Variants in ZC3H4 observed in about 807,000 individuals in gnomAD.
ZC3H4 encodes zinc finger CCCH domain-containing protein 4.
ZC3H4 carries 13 observed loss-of-function variants against 108.3 expected under a neutral mutation model. That is an observed-to-expected ratio of 0.12 (90% CI 0.08 to 0.19). The LOEUF (loss-of-function observed/expected upper bound fraction) is 0.19, where lower values mean the gene tolerates loss of function less well. Ranked by LOEUF, ZC3H4 falls within the 10% of genes least tolerant of loss-of-function variation. The probability of loss-of-function intolerance (pLI) is 1.00; values close to 1 mark genes in which losing one functional copy is unlikely to be tolerated. For synonymous variants in ZC3H4, 917 were observed against 749.6 expected (o/e 1.22, Z -3.65); for missense variants, 1,734 against 1,838.8 (o/e 0.94, Z 1.04).
intron 2 of ZC3H4, among the ~76,000 whole-genome samples, chr19:47,110,423 C>T (rs2058022988): frequency 4.6e-5 from 7 of 152,104 alleles, no homozygotes; most frequent in African/African-American, 1.4e-4. Flanking sequence ...CAGTAACACA[C>T]TTTTTTTTCT....
In ZC3H4 at chr19:47,066,860, C is replaced by T. The variant is rs2057213097; in HGVS notation, c.3408G>A (p.Gly1136=). 6 of 1,598,692 alleles carry T rather than the reference C, an allele frequency of 3.8e-6. No homozygotes were observed. Among genetic ancestry groups the T allele is most frequent in the African/African-American group, 1.3e-5 (1 of 74,904 alleles). Residue 1136 remains glycine, a synonymous_variant, in exon 15 of 15, where the codon GGG becomes GGA. Transcript: ENST00000253048. ...CGCTCAGCACACTGCTCTGCCCGCCCCCTCCGCCCTGGCCCAGTCCACCGG... is the reference window on the plus strand; with the variant it reads ...CGCTCAGCACACTGCTCTGCCCGCCTCCTCCGCCCTGGCCCAGTCCACCGG... The part of the protein sequence containing the change: ...LAAGGLGQGG[G]GGQSSVLSGI...
rs893096684 is a variant in ZC3H4, at chr19:47,109,057, T to C, written c.161+3367A>G. Among the ~76,000 whole-genome samples, 5 of 152,128 alleles carry C rather than the reference T, an allele frequency of 3.3e-5. No homozygotes were observed. The East Asian group carries it at 9.6e-4, about 29-fold the overall frequency. ...AAAAGTTTGTAAGTGTATAATAAGATTTGTTATTAAATCAGGGATTCTGAG... is the reference window on the plus strand; with the variant it reads ...AAAAGTTTGTAAGTGTATAATAAGACTTGTTATTAAATCAGGGATTCTGAG... On this transcript the variant is annotated intron_variant, in intron 2 of 14. Transcript: ENST00000253048.
rs2057330698 is a variant in ZC3H4, at chr19:47,071,819, T to C, written c.2105A>G (p.Gln702Arg). ...QNFYENFYQQ[Q>R]EGMEMEPGLL... is the part of the protein sequence containing the mutation. ...TCCGGGCTCCATCTCCATGCCCTCC[T>C]GCTGCTGGTAGAAGTTTTCATAGAA... Residue 702 changes from glutamine to arginine, a missense_variant, in exon 13 of 15, where the codon CAG (glutamine) becomes CGG (arginine). Physicochemically the swap from Gln to Arg is conservative, Grantham distance 43. Transcript: ENST00000253048. The C allele has an allele frequency of 6.2e-7, 1 of 1,613,134 alleles. No homozygotes were observed. The highest frequency in any genetic ancestry group is 8.5e-7 in the Non-Finnish European group (1 of 1,179,504).
chr19:47,084,258 T>C, intron 9 of ZC3H4, 87 bp downstream of exon 9: 1 of 1,270,532 alleles, frequency 7.9e-7, no homozygotes, highest in South Asian at 1.2e-5. Context: ...CCACCCACCC[T>C]CACCACGGCT....
At chr19:47,101,021 A>G (rs562044097) in intron 2 of ZC3H4, among the ~76,000 whole-genome samples, 3 of 152,112 alleles carry the variant, frequency 2.0e-5, no homozygotes, top group African/African-American at 7.2e-5. Context: ...TTAAATAATC[A>G]TAAAGTTAGA....
In ZC3H4 at chr19:47,071,999, G is replaced by A; in HGVS notation, c.1925C>T (p.Pro642Leu). 1 of 1,597,706 alleles carries A rather than the reference G, an allele frequency of 6.3e-7. No homozygotes were observed. The highest frequency in any genetic ancestry group is 8.5e-7 in the Non-Finnish European group (1 of 1,171,738). Reference protein sequence around the residue: ...MHPDMHPDMHPDMHADMHADM... With the variant: ...MHPDMHPDMHLDMHADMHADM... Reference sequence around the variant, plus strand: ...TGCGTGCATGTCTGCGTGCATGTCAGGGTGCATGTCCGGGTGCATGTCGGG... The same window carrying A: ...TGCGTGCATGTCTGCGTGCATGTCAAGGTGCATGTCCGGGTGCATGTCGGG... The change falls in exon 13 of 15, where the codon CCT becomes CTT. Residue 642 changes from proline (P) to leucine (L), a missense_variant. Pro to Leu is a moderately conservative substitution (Grantham distance 98). This residue lies in a region of ZC3H4 where 540 missense variants were observed against 484.1 expected (regional missense o/e 1.12). Coordinates refer to ENST00000253048, the MANE Select transcript of ZC3H4 (RefSeq NM_015168.2).
chr19:47,112,492 C>G lies in ZC3H4; in HGVS notation c.93G>C (p.Pro31=). Residue 31 remains proline (P), a synonymous_variant, in exon 2 of 15, where the codon CCG becomes CCC. Transcript: ENST00000253048. ...PPPPSTPSPP[P]CSPDARPATP... ...TGGCCGGGCGGGCGTCGGGGGAACA[C>G]GGAGGAGGCGAAGGCGTTGATGGCG... The G allele has an allele frequency of 8.7e-7, 1 of 1,151,868 alleles. No individual in the cohort carries two copies. The highest frequency in any genetic ancestry group is 1.1e-6 in the Non-Finnish European group (1 of 906,902). The allele number at this position is 1,151,868 out of a possible 1,614,324, so 71.4% of individuals were successfully genotyped here. A position where few individuals can be genotyped will look rare whatever the true frequency, so the allele number is the denominator to read the frequency against.
intron 9 of ZC3H4, 131 bp from the exon 10 acceptor site, chr19:47,082,426 G>C (rs1352100587): frequency 1.4e-6 from 1 of 707,042 alleles, no homozygotes; most frequent in South Asian, 1.6e-5. Context: ...TCCCCCTTAG[G>C]AAAGGAAGAC....
intron 11 of ZC3H4, among the ~76,000 whole-genome samples, chr19:47,080,081 C>T (rs2057494399): frequency 6.6e-6 from 1 of 152,088 alleles, no homozygotes; most frequent in African/African-American, 2.4e-5. Context: ...CTCTGGAAGC[C>T]GGCAGATGTG....
In ZC3H4 at chr19:47,067,189, G is replaced by C. The variant is rs1418450235; in HGVS notation, c.3079C>G (p.Pro1027Ala). The C allele has an allele frequency of 6.2e-7, 1 of 1,610,576 alleles. No homozygotes were observed. The highest frequency in any genetic ancestry group is 8.5e-7 in the Non-Finnish European group (1 of 1,178,428). Residue 1027 changes from proline to alanine, a missense_variant, in exon 15 of 15, where the codon CCG (proline) becomes GCG (alanine). Around this residue, in one of 9 missense-constraint regions of ZC3H4, gnomAD observed 518 missense variants for 499.6 expected, o/e 1.04. Transcript: ENST00000253048. The surrounding 1 kb of genome is among the most constrained non-coding windows in gnomAD (Gnocchi z 6.4). ...GTGCTGGAATCCGTGGAGGCGCCCG[G>C]GCGCTGCCGGGCGTTGGGGGGCCCT... The part of the protein sequence containing the change: ...TAGPPNARQR[P>A]GASTDSSTQG...
chr19:47,103,241 C>T (rs150191782), intron 2 of ZC3H4, among the ~76,000 whole-genome samples: 1 of 152,320 alleles, frequency 6.6e-6, no homozygotes, highest in East Asian at 1.9e-4. Context: ...CGATTTCTAT[C>T]ACTCCAGAGG....
chr19:47,100,922 T>A (rs2057896051), intron 2 of ZC3H4, among the ~76,000 whole-genome samples: 1 of 152,050 alleles, frequency 6.6e-6, no homozygotes, highest in Admixed American at 6.5e-5. Context: ...GGTCTCGAAC[T>A]CCTGACCTCA....
intron 11 of ZC3H4, among the ~76,000 whole-genome samples, chr19:47,081,223 C>A (rs1368608246): frequency 6.6e-6 from 1 of 152,212 alleles, no homozygotes; most frequent in Non-Finnish European, 1.5e-5. Context: ...CTAAATGACA[C>A]CTAAGAGATC....
Position 47,067,459 on chromosome 19 carries a change from C to G in ZC3H4, c.2809G>C (p.Val937Leu). 6.3e-7 allele frequency: 1 copy of G among 1,586,958 alleles called. No homozygotes were observed. Among genetic ancestry groups the G allele is most frequent in the Non-Finnish European group, 8.6e-7 (1 of 1,165,502 alleles). ...EGERALREKAVNIPLDPLPGH... is the reference protein window; with the variant it reads ...EGERALREKALNIPLDPLPGH... ...GGGAGTGGGTCCAGGGGAATGTTCA[C>G]GGCCTTCTCCCGCAGGGCCCGCTCC... The change falls in exon 15 of 15, where the codon GTG becomes CTG. Residue 937 changes from valine to leucine, a missense_variant. Val to Leu is a conservative substitution (Grantham distance 32). Coordinates refer to ENST00000253048, the MANE Select transcript of ZC3H4 (RefSeq NM_015168.2). This position sits in a 1 kb window ranked among gnomAD's most constrained non-coding sequence, Gnocchi z 6.4.
intron 13 of ZC3H4, among the ~76,000 whole-genome samples, chr19:47,071,059 A>G (rs1478844299): frequency 1.3e-5 from 2 of 151,680 alleles, no homozygotes; most frequent in Non-Finnish European, 2.9e-5. Flanking sequence ...TCACTTCTCA[A>G]AGAGACTTTT....
intron 13 of ZC3H4, among the ~76,000 whole-genome samples, chr19:47,070,647 C>G (rs1487845147): frequency 6.6e-6 from 1 of 152,134 alleles, no homozygotes; most frequent in Non-Finnish European, 1.5e-5. Flanking sequence ...CCACTCTCAC[C>G]CAAGTACCTG....
chr19:47,103,742 T>C (rs1278302690), intron 2 of ZC3H4, among the ~76,000 whole-genome samples: 1 of 135,148 alleles, frequency 7.4e-6, no homozygotes, highest in African/African-American at 2.8e-5. Flanking sequence ...TGGGCTAACA[T>C]GGTGAAACCC....
At chr19:47,100,237 G>A (rs1230973773) in intron 2 of ZC3H4, among the ~76,000 whole-genome samples, 1 of 152,156 alleles carries the variant, frequency 6.6e-6, no homozygotes, top group Non-Finnish European at 1.5e-5. Flanking sequence ...AGCAGCCATA[G>A]GGGAAACCTC....
chr19:47,108,539 G>A (rs750874549), intron 2 of ZC3H4, among the ~76,000 whole-genome samples: 5 of 152,160 alleles, frequency 3.3e-5, no homozygotes, highest in Admixed American at 6.6e-5. Flanking sequence ...TGTAGGCACC[G>A]TTAAATAAAT....
Sources: allele counts gnomAD v4.1 joint callset (sites outside exome capture counted in the v4.1 genomes callset), GRCh38; gene constraint gnomAD v4.1.1; regional missense constraint gnomAD v4.1.1; non-coding constraint Gnocchi (gnomAD v3.1); transcripts MANE v1.5; gene names NCBI Gene and HGNC (gene_info 2026-07-23, HGNC 2026-07-21).